Variants in BBX observed in about 807,000 individuals in gnomAD.
BBX encodes HMG box transcription factor BBX.
In BBX, 30 loss-of-function variants were observed where a neutral mutation model predicts 100.2. The observed-to-expected ratio is 0.30, with a 90% CI of 0.22 to 0.41. BBX has a LOEUF of 0.41. BBX is among the 10% of genes least tolerant of loss of function. The pLI, the probability that BBX is intolerant of heterozygous loss-of-function variation, is 1.00. For synonymous variants in BBX, 376 were observed against 388.1 expected, an observed-to-expected ratio of 0.97 and a Z score of 0.37; for missense variants, 1,023 against 1,129.8, an observed-to-expected ratio of 0.91 and a Z score of 1.35.
In BBX at chr3:107,630,104, G is replaced by T. The variant is rs988001696; in HGVS notation, c.-83-15732G>T. 5.9e-5 allele frequency among the ~76,000 whole-genome samples: 9 copies of T among 152,094 alleles called. No individual in the cohort carries two copies. The East Asian group carries it at 1.7e-3, about 29-fold the overall frequency. ...CTTCAGTCCTTCTATATCCATAGCG[G>T]TTCTCAAGTCTGACGGCACCTTAGA... On this transcript the variant is annotated intron_variant, in intron 2 of 17. Transcript: ENST00000325805.
At chr3:107,780,424 T>A (rs962689629) in intron 13 of BBX, among the ~76,000 whole-genome samples, 1 of 152,006 alleles carries the variant, frequency 6.6e-6, no homozygotes, top group African/African-American at 2.4e-5. Flanking sequence ...TTCTCTTGGG[T>A]CTTAGTTGTC....
intron 2 of BBX, among the ~76,000 whole-genome samples, chr3:107,575,484 A>C (rs1444554369): frequency 6.6e-6 from 1 of 152,164 alleles, no homozygotes; most frequent in Non-Finnish European, 1.5e-5. Flanking sequence ...TAGGGAAAAA[A>C]ATCCTGGCAA....
intron 15 of BBX, among the ~76,000 whole-genome samples, chr3:107,792,418 A>AT (rs1295597249): frequency 2.0e-4 from 30 of 152,246 alleles, no homozygotes; most frequent in African/African-American, 7.2e-4. Flanking sequence ...TGAGAAAAAA[A>AT]ATGCACAATT....
intron 3 of BBX, among the ~76,000 whole-genome samples, chr3:107,700,893 A>G (rs893801764): frequency 2.0e-4 from 30 of 151,446 alleles, no homozygotes; most frequent in Non-Finnish European, 2.1e-4. Flanking sequence ...TAGTGCCGCA[A>G]TAAACATACG....
chr3:107,709,435 A>C (rs1263536895), intron 3 of BBX, among the ~76,000 whole-genome samples: 1 of 152,218 alleles, frequency 6.6e-6, no homozygotes, highest in African/African-American at 2.4e-5. Context: ...CTTCTCAAGC[A>C]TTTGGACTAA....
intron 3 of BBX, among the ~76,000 whole-genome samples, chr3:107,708,536 TGGTG>T (rs1222346223): frequency 6.6e-6 from 1 of 152,022 alleles, no homozygotes; most frequent in East Asian, 1.9e-4. Context: ...TAGCCGGTTG[TGGTG>T]GCGGGCGCCC....
At chr3:107,643,869 G>A (rs916584624) in intron 2 of BBX, among the ~76,000 whole-genome samples, 5 of 152,070 alleles carry the variant, frequency 3.3e-5, no homozygotes, top group African/African-American at 1.2e-4. Context: ...AGAACTCAAA[G>A]GCCTGTGATA....
intron 2 of BBX, among the ~76,000 whole-genome samples, chr3:107,604,577 T>C (rs771713511): frequency 1.3e-5 from 2 of 152,150 alleles, no homozygotes; most frequent in Non-Finnish European, 2.9e-5. Flanking sequence ...GTTCTGTACA[T>C]GACACTTCTG....
intron 2 of BBX, among the ~76,000 whole-genome samples, chr3:107,574,852 C>T (rs2051653272): frequency 6.6e-6 from 1 of 152,110 alleles, no homozygotes; most frequent in African/African-American, 2.4e-5. Context: ...TAAGCCAACT[C>T]AAGTGGACTT....
rs1380646667 is a variant in BBX, at chr3:107,810,896, A to G, written c.*5439A>G. 1 of 151,130 alleles carries G rather than the reference A, an allele frequency of 6.6e-6. No individual in the cohort carries two copies. The allele number at this position is 151,130 out of a possible 1,614,324, so 9.4% of individuals were successfully genotyped here. A position where few individuals can be genotyped will look rare whatever the true frequency, so the allele number is the denominator to read the frequency against. On this transcript the variant is annotated 3_prime_UTR_variant, in exon 18 of 18. Coordinates refer to ENST00000325805, the MANE Select transcript of BBX (RefSeq NM_001142568.3). The stretch of plus-strand genomic sequence containing the variant: ...TCTAAAGTCTGTTGACAGTTTCAGC[A>G]TGACTGAATCGCTCATTTTTTTTTT...
chr3:107,769,554 A>G (rs2066724173), intron 10 of BBX, among the ~76,000 whole-genome samples: 1 of 152,088 alleles, frequency 6.6e-6, no homozygotes, highest in Non-Finnish European at 1.5e-5. Flanking sequence ...GAGGGACCCA[A>G]CTTTTGAAGT....
intron 15 of BBX, among the ~76,000 whole-genome samples, chr3:107,792,770 A>G (rs900347436): frequency 4.6e-5 from 7 of 152,150 alleles, no homozygotes; most frequent in African/African-American, 7.2e-5. Flanking sequence ...TTTTTAATGT[A>G]AGGCACTGAT....
At chr3:107,671,595 A>G (rs992829510) in intron 3 of BBX, among the ~76,000 whole-genome samples, 10 of 152,124 alleles carry the variant, frequency 6.6e-5, no homozygotes, top group African/African-American at 1.4e-4. Context: ...AAGAAAGTCA[A>G]TTCGAAGAAT....
rs1399484037 is a variant in BBX at position 107,584,193 on chromosome 3, GAT to G, written c.-84+57804_-84+57805del. On this transcript the variant is annotated intron_variant, in intron 2 of 17. Coordinates refer to ENST00000325805, the MANE Select transcript of BBX (RefSeq NM_001142568.3). ...ATTATATATATTATATATAATATAT[GAT>G]ATATATATTATTATATATATTATAT... Among the ~76,000 whole-genome samples, 12 of 26,226 alleles carry G rather than the reference GAT, an allele frequency of 4.6e-4. 1 individual carries two copies. Among genetic ancestry groups the G allele is most frequent in the South Asian group, 4.3e-3 (5 of 1,152 alleles). 17.2% of individuals were successfully genotyped at this position (26,226 alleles called of 152,430 possible). A position where few individuals can be genotyped will look rare whatever the true frequency, so the allele number is the denominator to read the frequency against.
intron 3 of BBX, among the ~76,000 whole-genome samples, chr3:107,672,185 A>G (rs2107926029): frequency 6.6e-6 from 1 of 152,190 alleles, no homozygotes; most frequent in East Asian, 1.9e-4. Context: ...GACCTTAAGT[A>G]TCTCTTCACC....
intron 2 of BBX, among the ~76,000 whole-genome samples, chr3:107,570,180 G>A (rs2051245445): frequency 6.6e-6 from 1 of 152,194 alleles, no homozygotes; most frequent in African/African-American, 2.4e-5. Flanking sequence ...GTGTGCTGGA[G>A]ATGTGGCTGA....
chr3:107,633,116 A>G (rs937193831), intron 2 of BBX, among the ~76,000 whole-genome samples: 1 of 152,152 alleles, frequency 6.6e-6, no homozygotes, highest in African/African-American at 2.4e-5. Flanking sequence ...TTAATATATA[A>G]CATGGGAAAA....
intron 4 of BBX, among the ~76,000 whole-genome samples, chr3:107,715,402 A>G (rs985061574): frequency 2.0e-5 from 3 of 152,196 alleles, no homozygotes; most frequent in Non-Finnish European, 2.9e-5. Flanking sequence ...ATGCAGACTA[A>G]TGGTTACAAG....
At chr3:107,600,189 T>G (rs889610024) in intron 2 of BBX, among the ~76,000 whole-genome samples, 2 of 152,202 alleles carry the variant, frequency 1.3e-5, no homozygotes, top group Non-Finnish European at 2.9e-5. Context: ...TCAAAGGAAA[T>G]TAAGAAATCT....
Sources: gnomAD v4.1 joint callset for allele counts (sites outside exome capture counted in the v4.1 genomes callset) on GRCh38, gnomAD v4.1.1 for gene constraint, MANE v1.5 for transcripts, NCBI Gene and HGNC (gene_info 2026-07-23, HGNC 2026-07-21) for gene names.